Variants in ARHGEF4 observed in about 807,000 individuals in gnomAD.
The protein encoded by ARHGEF4 is APC-stimulated guanine nucleotide exchange factor 1.
Under a neutral mutation model 162.0 loss-of-function variants are expected in ARHGEF4, and 119 were observed. The ratio of observed to expected loss-of-function variants is 0.73; its 90% CI spans 0.63 to 0.86. The LOEUF (loss-of-function observed/expected upper bound fraction) is 0.86, where lower values mean the gene tolerates loss of function less well. Among genes scored for constraint, ARHGEF4 ranks in the 40% least tolerant of loss-of-function variants. The pLI is 0.00. For missense variants in ARHGEF4, 2,488 were observed against 2,456.0 expected (o/e 1.01, Z -0.28); for synonymous variants, 1,014 against 979.9 (o/e 1.03, Z -0.65).
At chr2:130,995,428 G>T (rs1046668704) in intron 4 of ARHGEF4, among the ~76,000 whole-genome samples, 4 of 152,082 alleles carry the variant, frequency 2.6e-5, no homozygotes, top group Non-Finnish European at 5.9e-5. Context: ...CCGTGAGCCC[G>T]CGAGTATATT....
intron 1 of ARHGEF4, among the ~76,000 whole-genome samples, chr2:130,909,080 T>C (rs1406646341): frequency 1.3e-5 from 2 of 151,638 alleles, no homozygotes; most frequent in Non-Finnish European, 2.9e-5. Flanking sequence ...TTGTGGGGAG[T>C]GAGGAAGGGA....
rs780673455 is a variant in ARHGEF4, at chr2:131,040,371, G to A, written c.4593G>A (p.Lys1531=). Residue 1531 remains lysine, a synonymous_variant, in exon 8 of 14, where the codon AAG becomes AAA. Coordinates refer to ENST00000409359, the MANE Select transcript of ARHGEF4 (RefSeq NM_001367493.1). The part of the protein sequence containing the change: ...DIYRCQKAFV[K]ALEQRFNRER... The stretch of plus-strand genomic sequence containing the variant: ...ACCGCTGCCAGAAGGCCTTCGTGAA[G>A]GCCCTGGAGCAGAGGTTCAACCGCG... The A allele has an allele frequency of 1.8e-5, 29 of 1,610,814 alleles. 1 individual carries two copies. The highest frequency in any genetic ancestry group is 8.9e-5 in the East Asian group (4 of 44,810).
intron 4 of ARHGEF4, among the ~76,000 whole-genome samples, chr2:130,981,402 T>C (rs1468390616): frequency 6.6e-6 from 1 of 152,096 alleles, no homozygotes; most frequent in African/African-American, 2.4e-5. Context: ...AAAATAGGCC[T>C]GTAATCCCAG....
chr2:130,884,208 A>G (rs770701183), intron 1 of ARHGEF4, among the ~76,000 whole-genome samples: 3 of 151,376 alleles, frequency 2.0e-5, no homozygotes, highest in Non-Finnish European at 4.4e-5. Context: ...TAGGCAGGAG[A>G]GCATTCACAG....
intron 2 of ARHGEF4, among the ~76,000 whole-genome samples, chr2:130,927,777 T>C (rs954555491): frequency 6.6e-6 from 1 of 152,210 alleles, no homozygotes; most frequent in Non-Finnish European, 1.5e-5. Flanking sequence ...TCTACTTTCT[T>C]CTCGCCACCA....
chr2:131,037,082 C>T (rs1455680491), intron 5 of ARHGEF4, among the ~76,000 whole-genome samples: 1 of 152,150 alleles, frequency 6.6e-6, no homozygotes, highest in Admixed American at 6.5e-5. Context: ...GCCTGCTGCC[C>T]CCAGGAATAA....
At chr2:130,968,344 GAA>G (rs1558783348) in intron 4 of ARHGEF4, among the ~76,000 whole-genome samples, 1 of 152,242 alleles carries the variant, frequency 6.6e-6, no homozygotes, top group Non-Finnish European at 1.5e-5. Context: ...GGCCAGGAAG[GAA>G]ATGGTTCAGA....
At chr2:130,922,603 G>A (rs147080254) in intron 2 of ARHGEF4, among the ~76,000 whole-genome samples, 1 of 152,266 alleles carries the variant, frequency 6.6e-6, no homozygotes, top group African/African-American at 2.4e-5. Context: ...TGAGCTATAA[G>A]GTATGTGGCA....
At chr2:130,941,185 C>A (rs1238217313) in intron 3 of ARHGEF4, among the ~76,000 whole-genome samples, 2 of 149,320 alleles carry the variant, frequency 1.3e-5, no homozygotes, top group African/African-American at 4.9e-5. Flanking sequence ...TACCAACCAC[C>A]CACACAGCCG....
chr2:130,992,941 A>G (rs1182880249), intron 4 of ARHGEF4, among the ~76,000 whole-genome samples: 1 of 152,172 alleles, frequency 6.6e-6, no homozygotes, highest in Non-Finnish European at 1.5e-5. Flanking sequence ...AAAATAAGGC[A>G]GGCGTGATTG....
intron 4 of ARHGEF4, among the ~76,000 whole-genome samples, chr2:130,994,822 G>A (rs779419255): frequency 6.6e-6 from 1 of 152,084 alleles, no homozygotes; most frequent in Non-Finnish European, 1.5e-5. Context: ...TTAATTCCTT[G>A]CATTTTGTGT....
intron 3 of ARHGEF4, 83 bp downstream of exon 3, chr2:130,931,340 T>C (rs1213911260): frequency 1.4e-6 from 2 of 1,407,754 alleles, no homozygotes; most frequent in Non-Finnish European, 1.9e-6. Context: ...CCTGAGCTTT[T>C]GCCTGACTCT....
intron 4 of ARHGEF4, among the ~76,000 whole-genome samples, chr2:130,956,598 A>G (rs1001946124): frequency 2.6e-5 from 4 of 151,158 alleles, no homozygotes; most frequent in Non-Finnish European, 5.9e-5. Context: ...AGACTGGATT[A>G]AGAAAATGTG....
intron 1 of ARHGEF4, among the ~76,000 whole-genome samples, chr2:130,848,516 C>A (rs566089805): frequency 1.3e-5 from 2 of 152,290 alleles, no homozygotes; most frequent in South Asian, 4.1e-4. Context: ...GCACTGGAAG[C>A]CCTCCCCACA....
intron 3 of ARHGEF4, among the ~76,000 whole-genome samples, chr2:130,936,489 G>A (rs537565529): frequency 1.3e-4 from 20 of 152,154 alleles, no homozygotes; most frequent in African/African-American, 3.4e-4. Flanking sequence ...CTCTCTTTTG[G>A]TTATTAGTTG....
At chr2:130,971,655 C>CAAA (rs35136790) in intron 4 of ARHGEF4, among the ~76,000 whole-genome samples, 115 of 100,346 alleles carry the variant, frequency 1.1e-3, no homozygotes, top group South Asian at 2.8e-3. Flanking sequence ...GAGACTGTCT[C>CAAA]AAAAAAAAAA....
At chr2:130,974,662 A>G (rs1054664541) in intron 4 of ARHGEF4, among the ~76,000 whole-genome samples, 1 of 146,290 alleles carries the variant, frequency 6.8e-6, no homozygotes, top group Non-Finnish European at 1.5e-5. Flanking sequence ...GGGTTTCGCT[A>G]TGTTGCTCAG....
At position 131,027,762 on chromosome 2, in the gene ARHGEF4, C is replaced by G. The variant is rs529067437; in HGVS notation, c.3986-183C>G. On this transcript the variant is annotated intron_variant, in intron 4 of 13. Transcript: ENST00000409359. ...TGGTGGTGGTGTGAGTGAGTTGGTGCATTCTTTCACCCAGGCCACATGTTT... is the reference window on the plus strand; with the variant it reads ...TGGTGGTGGTGTGAGTGAGTTGGTGGATTCTTTCACCCAGGCCACATGTTT... Among the ~76,000 whole-genome samples the G allele has an allele frequency of 1.9e-4, 29 of 152,220 alleles. No individual in the cohort carries two copies. In the South Asian group the frequency reaches 3.9e-3, roughly 21 times the overall value.
intron 5 of ARHGEF4, among the ~76,000 whole-genome samples, chr2:131,037,744 C>T (rs997325184): frequency 6.6e-6 from 1 of 152,298 alleles, no homozygotes. Flanking sequence ...GGCAGGGGAG[C>T]GTCCAGTGTC....
Sources: allele counts gnomAD v4.1 joint callset (sites outside exome capture counted in the v4.1 genomes callset), GRCh38; gene constraint gnomAD v4.1.1; transcripts MANE v1.5; gene names NCBI Gene and HGNC (gene_info 2026-07-23, HGNC 2026-07-21).